Variants in PACSIN2 observed in about 807,000 individuals in gnomAD.
PACSIN2 encodes the protein protein kinase C and casein kinase substrate in neurons protein 2.
PACSIN2 carries 25 observed loss-of-function variants against 63.8 expected under a neutral mutation model. The observed-to-expected ratio is 0.39, with a 90% CI of 0.29 to 0.55. The LOEUF (loss-of-function observed/expected upper bound fraction) is 0.55, where lower values mean the gene tolerates loss of function less well. PACSIN2 is among the 20% of genes least tolerant of loss of function. PACSIN2 has a pLI of 0.62. For synonymous variants in PACSIN2, 255 were observed against 256.2 expected, an observed-to-expected ratio of 1.00 and a Z score of 0.05; for missense variants, 518 against 646.9, an observed-to-expected ratio of 0.80 and a Z score of 2.16.
intron 1 of PACSIN2, among the ~76,000 whole-genome samples, chr22:42,999,212 C>T (rs911340630): frequency 6.6e-6 from 1 of 152,196 alleles, no homozygotes; most frequent in Admixed American, 6.5e-5. Flanking sequence ...TCGCCTCGGC[C>T]CCTGTACTTG....
chr22:42,883,951 G>A (rs1929272960), intron 6 of PACSIN2, among the ~76,000 whole-genome samples: 1 of 151,226 alleles, frequency 6.6e-6, no homozygotes, highest in South Asian at 2.1e-4. Context: ...AGGTTGCAGT[G>A]AACTGAGATC....
In PACSIN2 at chr22:42,870,427, A is replaced by T. The variant is rs1263088586; in HGVS notation, c.*930T>A. 6.6e-6 allele frequency: 1 copy of T among 152,142 alleles called. No homozygotes were observed. Among genetic ancestry groups the T allele is most frequent in the Non-Finnish European group, 1.5e-5 (1 of 68,022 alleles). The allele number at this position is 152,142 out of a possible 1,614,324, so 9.4% of individuals were successfully genotyped here. ...TCACTGTTAAAAGCTGTTAAATCTCATTAAAACAGTAGACGAGTGCTTTAG... is the reference window on the plus strand; with the variant it reads ...TCACTGTTAAAAGCTGTTAAATCTCTTTAAAACAGTAGACGAGTGCTTTAG... On this transcript the variant is annotated 3_prime_UTR_variant, in exon 11 of 11. Coordinates refer to ENST00000263246, the MANE Select transcript of PACSIN2 (RefSeq NM_001184970.3).
chr22:42,938,842 A>T (rs1484374713), intron 1 of PACSIN2, among the ~76,000 whole-genome samples: 1 of 152,208 alleles, frequency 6.6e-6, no homozygotes, highest in Non-Finnish European at 1.5e-5. Context: ...TTTGTGCTGG[A>T]TCCCGAGGTG....
intron 1 of PACSIN2, among the ~76,000 whole-genome samples, chr22:42,927,437 C>T (rs935394635): frequency 6.6e-6 from 1 of 152,034 alleles, no homozygotes; most frequent in African/African-American, 2.4e-5. Context: ...TTAGTAGAGA[C>T]AGGGTTTCGC....
intron 4 of PACSIN2, among the ~76,000 whole-genome samples, chr22:42,889,500 A>G (rs1257281077): frequency 1.3e-5 from 2 of 152,172 alleles, no homozygotes; most frequent in Non-Finnish European, 2.9e-5. Context: ...AGACAGTTTC[A>G]TTATGAATGG....
chr22:42,998,207 C>T (rs1191175501), intron 1 of PACSIN2, among the ~76,000 whole-genome samples: 3 of 152,224 alleles, frequency 2.0e-5, no homozygotes, highest in South Asian at 2.1e-4. Flanking sequence ...GAGTGAGACA[C>T]ATCAATGCTC....
intron 1 of PACSIN2, among the ~76,000 whole-genome samples, chr22:42,961,376 ACCTTCCC>A (rs1934127151): frequency 6.7e-6 from 1 of 148,902 alleles, no homozygotes; most frequent in Non-Finnish European, 1.5e-5. Flanking sequence ...TTATCTGTTG[ACCTTCCC>A]TCCACTATTG....
intron 5 of PACSIN2, among the ~76,000 whole-genome samples, chr22:42,886,036 G>A (rs752950291): frequency 2.0e-5 from 3 of 152,202 alleles, no homozygotes; most frequent in Non-Finnish European, 2.9e-5. Flanking sequence ...AAGTGACACA[G>A]AGCAGCCCCA....
chr22:42,946,599 G>C (rs1262728524), intron 1 of PACSIN2, among the ~76,000 whole-genome samples: 1 of 152,224 alleles, frequency 6.6e-6, no homozygotes, highest in Non-Finnish European at 1.5e-5. Context: ...TGTCCCCACA[G>C]CAAGAAGCCC....
intron 2 of PACSIN2, among the ~76,000 whole-genome samples, chr22:42,900,866 C>T (rs1343151576): frequency 6.6e-6 from 1 of 152,220 alleles, no homozygotes; most frequent in African/African-American, 2.4e-5. Flanking sequence ...CCTGCCCAAA[C>T]ATCCCTCAGG....
chr22:42,991,093 G>C (rs1472993390), intron 1 of PACSIN2, among the ~76,000 whole-genome samples: 1 of 152,200 alleles, frequency 6.6e-6, no homozygotes, highest in African/African-American at 2.4e-5. Context: ...AGTAGTACCA[G>C]CAGTTTATGA....
At chr22:42,891,782 A>G (rs558894065) in intron 3 of PACSIN2, among the ~76,000 whole-genome samples, 118 of 152,366 alleles carry the variant, frequency 7.7e-4, no homozygotes, top group African/African-American at 2.8e-3. Flanking sequence ...TAATTTACTT[A>G]AAGGTGGCCA....
At chr22:42,994,226 G>C (rs145601109) in intron 1 of PACSIN2, among the ~76,000 whole-genome samples, 19 of 152,218 alleles carry the variant, frequency 1.2e-4, no homozygotes, top group African/African-American at 4.6e-4. Context: ...TGGTTTGGTG[G>C]TAAGAAGGGC....
At chr22:42,913,507 G>GAC (rs1731384937) in intron 1 of PACSIN2, among the ~76,000 whole-genome samples, 2 of 140,538 alleles carry the variant, frequency 1.4e-5, no homozygotes, top group Non-Finnish European at 3.1e-5. Context: ...AAAAAAAAGA[G>GAC]AGACACTAAT....
intron 2 of PACSIN2, 68 bp downstream of exon 2, chr22:42,911,953 A>C: frequency 8.1e-7 from 1 of 1,240,832 alleles, no homozygotes; most frequent in Non-Finnish European, 1.2e-6. Flanking sequence ...CCACCAAAAA[A>C]ACCAAAGGGC....
chr22:42,922,788 G>C (rs1044459361), intron 1 of PACSIN2, among the ~76,000 whole-genome samples: 4 of 152,300 alleles, frequency 2.6e-5, no homozygotes, highest in African/African-American at 9.6e-5. Flanking sequence ...AGGCAGACTG[G>C]GTCCCTGCCC....
intron 3 of PACSIN2, among the ~76,000 whole-genome samples, chr22:42,891,450 G>A (rs1181195641): frequency 6.6e-6 from 1 of 152,106 alleles, no homozygotes; most frequent in Non-Finnish European, 1.5e-5. Context: ...GTCCCGGCTG[G>A]AGTGCAGAGA....
At chr22:42,920,942 ACAGGCATGCGCC>A (rs900045220) in intron 1 of PACSIN2, among the ~76,000 whole-genome samples, 2 of 151,786 alleles carry the variant, frequency 1.3e-5, no homozygotes, top group African/African-American at 4.8e-5. Context: ...AGCTAGAACC[ACAGGCATGCGCC>A]CAGCTAATTT....
chr22:42,977,363 G>A (rs1312228301), intron 1 of PACSIN2, among the ~76,000 whole-genome samples: 1 of 151,960 alleles, frequency 6.6e-6, no homozygotes, highest in African/African-American at 2.4e-5. Context: ...GAAAAACGGA[G>A]AAAGGATATA....
Sources: allele counts gnomAD v4.1 joint callset (sites outside exome capture counted in the v4.1 genomes callset), GRCh38; gene constraint gnomAD v4.1.1; transcripts MANE v1.5; gene names NCBI Gene and HGNC (gene_info 2026-07-23, HGNC 2026-07-21).